The following CYFIP2 variants were observed in gnomAD, a reference collection of about 807,000 sequenced individuals.
CYFIP2 encodes cytoplasmic FMR1-interacting protein 2.
CYFIP2 carries 29 observed loss-of-function variants against 158.7 expected under a neutral mutation model. The ratio of observed to expected loss-of-function variants is 0.18; its 90% CI spans 0.14 to 0.25. The LOEUF (loss-of-function observed/expected upper bound fraction) is 0.25, where lower values mean the gene tolerates loss of function less well. Ranked by LOEUF, CYFIP2 falls within the 10% of genes least tolerant of loss-of-function variation. The pLI is 1.00. For synonymous variants in CYFIP2, 585 were observed against 617.6 expected, an observed-to-expected ratio of 0.95 and a Z score of 0.78; for missense variants, 852 against 1,639.5, an observed-to-expected ratio of 0.52 and a Z score of 8.29.
At chr5:157,355,219 G>A (rs755822254) in intron 23 of CYFIP2, among the ~76,000 whole-genome samples, 1 of 152,044 alleles carries the variant, frequency 6.6e-6, no homozygotes, top group African/African-American at 2.4e-5. Flanking sequence ...TCACTTTGTG[G>A]GGTACATGCT....
intron 28 of CYFIP2, chr5:157,384,209 C>T (rs1487218457): frequency 2.2e-6 from 1 of 444,732 alleles, no homozygotes; most frequent in East Asian, 7.0e-5. Context: ...GACAGGACCC[C>T]TGCCTTCAGA....
chr5:157,383,735 G>T (rs1473865648), intron 28 of CYFIP2, among the ~76,000 whole-genome samples: 1 of 152,120 alleles, frequency 6.6e-6, no homozygotes, highest in East Asian at 1.9e-4. Flanking sequence ...ACACTTAACG[G>T]AACACTAGAT....
intron 22 of CYFIP2, 50 bp downstream of exon 22, chr5:157,339,306 C>G (rs1325999655): frequency 1.3e-6 from 2 of 1,529,556 alleles, no homozygotes; most frequent in African/African-American, 1.4e-5. Flanking sequence ...GGGGGAGTGG[C>G]CAGCTGCCTC....
chr5:157,311,917 A>T lies in CYFIP2; in HGVS notation c.1110+136A>T. 1 of 782,772 alleles carries T rather than the reference A, an allele frequency of 1.3e-6. No homozygotes were observed. Among genetic ancestry groups the T allele is most frequent in the Non-Finnish European group, 2.0e-6 (1 of 488,768 alleles). The allele number at this position is 782,772 out of a possible 1,614,324, so 48.5% of individuals were successfully genotyped here. The stretch of plus-strand genomic sequence containing the variant: ...GAGGCAGGAGGGTAAAGTGGCCAAC[A>T]GCAGGGGTTTTGGAGCCAGGCAGAC... On this transcript the variant is annotated intron_variant, in intron 11 of 30. Transcript: ENST00000620254. This position sits in a 1 kb window ranked among gnomAD's most constrained non-coding sequence, Gnocchi z 4.7.
chr5:157,307,394 C>T (rs936950891), intron 8 of CYFIP2, among the ~76,000 whole-genome samples: 1 of 152,248 alleles, frequency 6.6e-6, no homozygotes, highest in African/African-American at 2.4e-5. Context: ...GTGGCCTTGG[C>T]GAGCTGTCTA....
chr5:157,271,648 A>G (rs1756102026), intron 1 of CYFIP2: 1 of 152,224 alleles, frequency 6.6e-6, no homozygotes, highest in African/African-American at 2.4e-5. Context: ...TTTGGACATC[A>G]TGGTTGAGAG....
At chr5:157,303,027 A>G (rs77042939) in intron 7 of CYFIP2, 137 bp downstream of exon 7, 64,374 of 666,932 alleles carry the variant, frequency 0.097, 3,590 homozygotes, top group South Asian at 0.12. Context: ...CTTGAGAGTG[A>G]AATGTAGCTG....
rs759102394 is a variant in CYFIP2 at position 157,325,495 on chromosome 5, G to A, written c.1839G>A (p.Gln613=). 2 of 1,612,030 alleles carry A rather than the reference G, an allele frequency of 1.2e-6. No individual in the cohort carries two copies. Among genetic ancestry groups the A allele is most frequent in the Non-Finnish European group, 1.7e-6 (2 of 1,179,102 alleles). The change falls in exon 17 of 31, where the codon CAG becomes CAA. Residue 613 remains glutamine, a synonymous_variant. Transcript: ENST00000620254. ...HLLNISEALQ[Q]CCDLSQLWFR... Reference sequence around the variant, plus strand: ...TTATGCTTTCAGAAGCCCTGCAGCAGTGTTGTGACCTCTCCCAGCTCTGGT... The same window carrying A: ...TTATGCTTTCAGAAGCCCTGCAGCAATGTTGTGACCTCTCCCAGCTCTGGT...
rs550821407 is a variant in CYFIP2, at chr5:157,316,824, C to T, written c.1356+1730C>T. Among the ~76,000 whole-genome samples the T allele has an allele frequency of 2.1e-3, 323 of 152,160 alleles. 1 individual carries two copies. Among genetic ancestry groups the T allele is most frequent in the African/African-American group, 7.1e-3 (296 of 41,508 alleles). On this transcript the variant is annotated intron_variant, in intron 13 of 30. Coordinates refer to ENST00000620254, the MANE Select transcript of CYFIP2 (RefSeq NM_001037333.3). Reference sequence around the variant, plus strand: ...GATGAGCTCTGAAAACTTAAAGGGCCATACAAATGTAAGAGATTAGAGTCG... The same window carrying T: ...GATGAGCTCTGAAAACTTAAAGGGCTATACAAATGTAAGAGATTAGAGTCG...
intron 17 of CYFIP2, 121 bp from the exon 18 acceptor site, chr5:157,326,050 G>A (rs1760995702): frequency 2.6e-6 from 2 of 774,184 alleles, no homozygotes; most frequent in South Asian, 3.3e-5. Context: ...GAACGTAAGA[G>A]AGGGATGAAA....
At chr5:157,348,128 A>G (rs949631593) in intron 23 of CYFIP2, among the ~76,000 whole-genome samples, 5 of 152,408 alleles carry the variant, frequency 3.3e-5, no homozygotes, top group South Asian at 2.1e-4. Flanking sequence ...GCTAGTTGAC[A>G]TCAGTAGTAA....
intron 1 of CYFIP2, among the ~76,000 whole-genome samples, chr5:157,274,799 A>G (rs1203667305): frequency 1.3e-5 from 2 of 152,210 alleles, no homozygotes; most frequent in Non-Finnish European, 2.9e-5. Flanking sequence ...GCATTTCCCT[A>G]ATAACTAAGG....
chr5:157,339,050 T>C lies in CYFIP2; in HGVS notation c.2386-7T>C, dbSNP rs1355183960. On this transcript the variant is annotated splice_region_variant and splice_polypyrimidine_tract_variant and intron_variant, in intron 21 of 30. Coordinates refer to ENST00000620254, the MANE Select transcript of CYFIP2 (RefSeq NM_001037333.3). ...CCTCAGCAGTTGTGGGCTCTCTCTC[T>C]GTACAGGAGCTGGAGTGGCTGCTGG... 2.5e-6 allele frequency: 4 copies of C among 1,608,258 alleles called. No individual in the cohort carries two copies. Among genetic ancestry groups the C allele is most frequent in the Non-Finnish European group, 3.4e-6 (4 of 1,176,924 alleles).
chr5:157,341,425 G>A (rs1307747165), intron 23 of CYFIP2, among the ~76,000 whole-genome samples: 2 of 152,108 alleles, frequency 1.3e-5, no homozygotes, highest in Admixed American at 6.5e-5. Flanking sequence ...AGACATGGCG[G>A]CATGCACCAG....
chr5:157,384,217 A>G (rs1766414534), intron 28 of CYFIP2: 1 of 448,194 alleles, frequency 2.2e-6, no homozygotes, highest in Non-Finnish European at 4.5e-6. Context: ...CCCTGCCTTC[A>G]GAGAATTCAG....
rs76802183 is a variant in CYFIP2, at chr5:157,266,981, C to T, written c.-24+786C>T. The T allele has an allele frequency of 0.054, 8,324 of 152,748 alleles. 420 individuals are homozygous for T. The highest frequency in any genetic ancestry group is 0.23 in the East Asian group (1,165 of 5,168). 9.5% of individuals were successfully genotyped at this position (152,748 alleles called of 1,614,324 possible). A position where few individuals can be genotyped will look rare whatever the true frequency, so the allele number is the denominator to read the frequency against. Reference sequence around the variant, plus strand: ...ACCCCTCACCCCAAAGAACAGCCCACCTATGTGCAAAAGAAGAGGAGGAGG... The same window carrying T: ...ACCCCTCACCCCAAAGAACAGCCCATCTATGTGCAAAAGAAGAGGAGGAGG... On this transcript the variant is annotated intron_variant, in intron 1 of 30. Coordinates refer to ENST00000620254, the MANE Select transcript of CYFIP2 (RefSeq NM_001037333.3). The surrounding 1 kb of genome is among the most constrained non-coding windows in gnomAD (Gnocchi z 4.2).
At chr5:157,359,594 A>C (rs148067636) in intron 24 of CYFIP2, among the ~76,000 whole-genome samples, 75 of 152,302 alleles carry the variant, frequency 4.9e-4, no homozygotes, top group African/African-American at 1.3e-3. Flanking sequence ...TTCTTGCTGA[A>C]CACTGCTCCC....
intron 28 of CYFIP2, among the ~76,000 whole-genome samples, chr5:157,385,850 T>C (rs1011947007): frequency 1.3e-5 from 2 of 151,868 alleles, no homozygotes; most frequent in African/African-American, 2.4e-5. Context: ...TCACAAATGT[T>C]TTCTCTATCC....
In CYFIP2 at chr5:157,305,159, G is replaced by A. The variant is rs185082697; in HGVS notation, c.795+793G>A. On this transcript the variant is annotated intron_variant, in intron 8 of 30. Transcript: ENST00000620254. ...TTTCTTTATCTGCTTGTTGGTTGACGGGCATTTAGGTTGATTCCATATTTT... is the reference window on the plus strand; with the variant it reads ...TTTCTTTATCTGCTTGTTGGTTGACAGGCATTTAGGTTGATTCCATATTTT... 4.6e-5 allele frequency among the ~76,000 whole-genome samples: 7 copies of A among 152,148 alleles called. No individual in the cohort carries two copies. The East Asian group carries it at 9.6e-4, about 21-fold the overall frequency.
Sources: allele counts gnomAD v4.1 joint callset (sites outside exome capture counted in the v4.1 genomes callset), GRCh38; gene constraint gnomAD v4.1.1; non-coding constraint Gnocchi (gnomAD v3.1); transcripts MANE v1.5; gene names NCBI Gene and HGNC (gene_info 2026-07-23, HGNC 2026-07-21).